The following NKAIN2 variants were observed in gnomAD, a reference collection of about 807,000 sequenced individuals.
The protein encoded by NKAIN2 is sodium/potassium transporting ATPase interacting 2.
In NKAIN2, 14 loss-of-function variants were observed where a neutral mutation model predicts 32.6. The ratio of observed to expected loss-of-function variants is 0.43; its 90% CI spans 0.28 to 0.67. The LOEUF is 0.67. NKAIN2 is among the 30% of genes least tolerant of loss of function. NKAIN2 has a pLI of 0.17. For synonymous variants in NKAIN2, 80 were observed against 87.2 expected (o/e 0.92, Z 0.46); for missense variants, 198 against 258.3 (o/e 0.77, Z 1.60).
At chr6:124,481,188 T>TTTC (rs765934607) in intron 3 of NKAIN2, among the ~76,000 whole-genome samples, 1 of 144,842 alleles carries the variant, frequency 6.9e-6, no homozygotes, top group Non-Finnish European at 1.5e-5. Context: ...TTTTTTTTTT[T>TTTC]CACAGTGGAA....
chr6:124,057,504 A>G lies in NKAIN2; in HGVS notation c.55-225501A>G, dbSNP rs141019940. Among the ~76,000 whole-genome samples the G allele has an allele frequency of 4.1e-3, 618 of 152,146 alleles. 4 individuals carry two copies. The highest frequency in any genetic ancestry group is 0.026 in the East Asian group (132 of 5,176). On this transcript the variant is annotated intron_variant, in intron 1 of 6. Coordinates refer to ENST00000368417, the MANE Select transcript of NKAIN2 (RefSeq NM_001040214.3). ...TATATTTTTCGAAATAGAAGACACT[A>G]AAAAAATGACTCAGGCAGTAATTTG...
intron 3 of NKAIN2, among the ~76,000 whole-genome samples, chr6:124,516,404 G>T (rs1037320909): frequency 2.0e-5 from 3 of 151,914 alleles, no homozygotes; most frequent in African/African-American, 4.8e-5. Context: ...TCAGTTAAAA[G>T]AAGAAAAAAA....
intron 1 of NKAIN2, among the ~76,000 whole-genome samples, chr6:123,978,544 A>G (rs1044361152): frequency 1.6e-4 from 25 of 152,210 alleles, no homozygotes; most frequent in African/African-American, 5.5e-4. Context: ...TGAAATGTAC[A>G]ACTACTCTTT....
At chr6:124,794,195 A>G (rs1779898019) in intron 5 of NKAIN2, among the ~76,000 whole-genome samples, 1 of 152,174 alleles carries the variant, frequency 6.6e-6, no homozygotes, top group African/African-American at 2.4e-5. Flanking sequence ...TAAAGCATCA[A>G]TTTATAGAAA....
chr6:123,913,652 G>A (rs1775334671), intron 1 of NKAIN2, among the ~76,000 whole-genome samples: 1 of 152,106 alleles, frequency 6.6e-6, no homozygotes, highest in Admixed American at 6.6e-5. Flanking sequence ...TGGTCTCTAA[G>A]AGGTAGCTTC....
intron 3 of NKAIN2, among the ~76,000 whole-genome samples, chr6:124,451,980 A>G (rs2114623534): frequency 6.6e-6 from 1 of 152,196 alleles, no homozygotes; most frequent in South Asian, 2.1e-4. Flanking sequence ...AGATCACTTG[A>G]GTCCAGGAGT....
At chr6:124,138,667 T>A (rs112881863) in intron 1 of NKAIN2, among the ~76,000 whole-genome samples, 17 of 145,522 alleles carry the variant, frequency 1.2e-4, no homozygotes, top group African/African-American at 3.8e-4. Context: ...TGTTATATTA[T>A]TAATTATGTT....
At chr6:124,129,211 T>A (rs191630499) in intron 1 of NKAIN2, among the ~76,000 whole-genome samples, 3 of 152,156 alleles carry the variant, frequency 2.0e-5, no homozygotes, top group African/African-American at 7.2e-5. Context: ...AATTATCTTT[T>A]TGTCAAGAGT....
intron 1 of NKAIN2, among the ~76,000 whole-genome samples, chr6:123,842,178 T>C (rs933746140): frequency 6.6e-6 from 1 of 152,178 alleles, no homozygotes; most frequent in African/African-American, 2.4e-5. Flanking sequence ...AAAAATAAAT[T>C]TGTGGCACGT....
At chr6:124,497,339 C>A (rs1437653697) in intron 3 of NKAIN2, among the ~76,000 whole-genome samples, 1 of 152,130 alleles carries the variant, frequency 6.6e-6, no homozygotes, top group Non-Finnish European at 1.5e-5. Context: ...GGCTAGCCAT[C>A]ATATTTAATT....
intron 3 of NKAIN2, among the ~76,000 whole-genome samples, chr6:124,654,739 G>A (rs906599331): frequency 2.6e-5 from 4 of 152,066 alleles, no homozygotes; most frequent in African/African-American, 7.2e-5. Flanking sequence ...CTTGGCACCC[G>A]GGGAAGTTGC....
chr6:124,275,534 G>T (rs1374879715), intron 1 of NKAIN2, among the ~76,000 whole-genome samples: 5 of 152,122 alleles, frequency 3.3e-5, no homozygotes, highest in Non-Finnish European at 7.4e-5. Context: ...AAGGTGGAAA[G>T]AGAGGAGGTG....
At chr6:124,263,934 AT>A (rs960914260) in intron 1 of NKAIN2, among the ~76,000 whole-genome samples, 1 of 152,144 alleles carries the variant, frequency 6.6e-6, no homozygotes, top group African/African-American at 2.4e-5. Flanking sequence ...GAAAATGGCA[AT>A]TTTGAAGCAC....
chr6:123,993,807 A>T (rs893783137), intron 1 of NKAIN2, among the ~76,000 whole-genome samples: 2 of 152,176 alleles, frequency 1.3e-5, no homozygotes, highest in African/African-American at 2.4e-5. Flanking sequence ...TTGTATTAAG[A>T]ATCACACTGG....
intron 5 of NKAIN2, among the ~76,000 whole-genome samples, chr6:124,798,689 G>A (rs1780119263): frequency 6.6e-6 from 1 of 152,082 alleles, no homozygotes; most frequent in South Asian, 2.1e-4. Context: ...TGAACTATGA[G>A]TTGTACTGGG....
At chr6:124,667,671 C>A (rs1348973793) in intron 4 of NKAIN2, among the ~76,000 whole-genome samples, 4 of 151,910 alleles carry the variant, frequency 2.6e-5, no homozygotes, top group African/African-American at 9.7e-5. Flanking sequence ...AACTTCTAAA[C>A]ATGGTGATAG....
intron 1 of NKAIN2, among the ~76,000 whole-genome samples, chr6:123,960,740 C>T (rs1373418249): frequency 6.6e-6 from 1 of 151,688 alleles, no homozygotes; most frequent in Non-Finnish European, 1.5e-5. Context: ...GGTAGAGGGT[C>T]TATATTAGGT....
chr6:123,954,046 A>G (rs1777451389), intron 1 of NKAIN2, among the ~76,000 whole-genome samples: 1 of 152,158 alleles, frequency 6.6e-6, no homozygotes, highest in Non-Finnish European at 1.5e-5. Flanking sequence ...AAGGTGTCCT[A>G]TGTGGAAGTG....
intron 3 of NKAIN2, among the ~76,000 whole-genome samples, chr6:124,451,034 A>G (rs1300083642): frequency 1.3e-5 from 2 of 152,124 alleles, no homozygotes; most frequent in Admixed American, 1.3e-4. Flanking sequence ...TGAAACCAGA[A>G]ATAGAAAGAA....
Sources: gnomAD v4.1 joint callset for allele counts (sites outside exome capture counted in the v4.1 genomes callset) on GRCh38, gnomAD v4.1.1 for gene constraint, MANE v1.5 for transcripts, NCBI Gene and HGNC (gene_info 2026-07-23, HGNC 2026-07-21) for gene names.